TENM3: variants seen among roughly 807,000 people sequenced by gnomAD.
TENM3 encodes the protein teneurin transmembrane protein 3.
In TENM3, 63 loss-of-function variants were observed where a neutral mutation model predicts 255.1. The observed-to-expected ratio is 0.25, with a 90% CI of 0.20 to 0.30. The LOEUF is 0.30. Among genes scored for constraint, TENM3 ranks in the 10% least tolerant of loss-of-function variants. The pLI is 1.00. For missense variants in TENM3, 2,929 were observed against 3,461.1 expected (o/e 0.85, Z 3.86); for synonymous variants, 1,306 against 1,322.3 (o/e 0.99, Z 0.27).
chr4:182,700,946 G>A (rs1365663639), intron 12 of TENM3, among the ~76,000 whole-genome samples: 1 of 151,992 alleles, frequency 6.6e-6, no homozygotes. Context: ...CTTTAAGCAT[G>A]GGTGGGTAAG....
At chr4:182,605,417 C>T (rs1239754819) in intron 4 of TENM3, among the ~76,000 whole-genome samples, 1 of 129,228 alleles carries the variant, frequency 7.7e-6, no homozygotes, top group East Asian at 2.3e-4. Context: ...GGTTACTTAA[C>T]AAAAATTTCA....
chr4:182,011,988 T>C, the TENM3 span, among the ~76,000 whole-genome samples: 1 of 152,128 alleles, frequency 6.6e-6, no homozygotes, highest in Non-Finnish European at 1.5e-5. Flanking sequence ...GAGACCTAGA[T>C]AGAGAAGAAC....
chr4:181,606,898 G>T, the TENM3 span, among the ~76,000 whole-genome samples: 1 of 152,118 alleles, frequency 6.6e-6, no homozygotes, highest in South Asian at 2.1e-4. Context: ...GGCCATTTGC[G>T]GGAGCCATGG....
chr4:181,510,361 C>T, the TENM3 span, among the ~76,000 whole-genome samples: 2 of 151,578 alleles, frequency 1.3e-5, no homozygotes, highest in Non-Finnish European at 2.9e-5. Context: ...ATATAACAAA[C>T]AAACACAAAA....
At chr4:181,465,398 T>A in the TENM3 span, among the ~76,000 whole-genome samples, 1 of 152,198 alleles carries the variant, frequency 6.6e-6, no homozygotes, top group Non-Finnish European at 1.5e-5. Flanking sequence ...AACCAAACAT[T>A]TGATGCCTGG....
the TENM3 span, among the ~76,000 whole-genome samples, chr4:182,062,210 G>T: frequency 3.9e-5 from 6 of 152,144 alleles, no homozygotes. Context: ...GTGTACCCAA[G>T]AATATGTTTA....
the TENM3 span, among the ~76,000 whole-genome samples, chr4:182,093,220 G>T: frequency 6.6e-6 from 1 of 152,160 alleles, no homozygotes; most frequent in Admixed American, 6.5e-5. Context: ...TTAGAAAGGA[G>T]GATATTTGGG....
intron 3 of TENM3, among the ~76,000 whole-genome samples, chr4:182,588,263 C>T (rs1243391024): frequency 7.2e-5 from 11 of 152,080 alleles, no homozygotes; most frequent in Admixed American, 5.9e-4. Flanking sequence ...CCTGTGTCTC[C>T]TGTTTCCTTT....
At chr4:181,844,271 C>T in the TENM3 span, among the ~76,000 whole-genome samples, 2 of 152,248 alleles carry the variant, frequency 1.3e-5, no homozygotes, top group South Asian at 4.1e-4. Context: ...TGGGGGGACA[C>T]ATTCAAACCA....
chr4:182,696,924 C>T (rs1435825751), intron 12 of TENM3, among the ~76,000 whole-genome samples: 1 of 151,980 alleles, frequency 6.6e-6, no homozygotes, highest in Non-Finnish European at 1.5e-5. Flanking sequence ...CCCCTGGTTC[C>T]AGCTCTGTCA....
chr4:182,066,779 CAG>C, the TENM3 span, among the ~76,000 whole-genome samples: 1 of 151,850 alleles, frequency 6.6e-6, no homozygotes, highest in Non-Finnish European at 1.5e-5. Context: ...GGCGTGGTGG[CAG>C]GCGCCTGTAG....
chr4:182,536,523 T>C (rs1051433947), intron 3 of TENM3, among the ~76,000 whole-genome samples: 6 of 152,234 alleles, frequency 3.9e-5, no homozygotes, highest in Non-Finnish European at 5.9e-5. Context: ...GAGGATCACA[T>C]CCTGGCCGCC....
chr4:181,620,048 C>G, the TENM3 span, among the ~76,000 whole-genome samples: 1 of 152,060 alleles, frequency 6.6e-6, no homozygotes, highest in Non-Finnish European at 1.5e-5. Flanking sequence ...ATCACTCGAG[C>G]CCAGGAGTTT....
the TENM3 span, among the ~76,000 whole-genome samples, chr4:181,702,558 A>G: frequency 6.6e-6 from 1 of 152,196 alleles, no homozygotes; most frequent in Admixed American, 6.5e-5. Flanking sequence ...CTTTTTTGTA[A>G]AAAACAAATG....
the TENM3 span, among the ~76,000 whole-genome samples, chr4:181,494,348 A>C: frequency 6.6e-6 from 1 of 152,054 alleles, no homozygotes; most frequent in Non-Finnish European, 1.5e-5. Flanking sequence ...GCAATGGCGC[A>C]ATCTTAGCTC....
chr4:182,344,886 A>G (rs1179992440), intron 2 of TENM3, among the ~76,000 whole-genome samples: 1 of 152,212 alleles, frequency 6.6e-6, no homozygotes, highest in Non-Finnish European at 1.5e-5. Context: ...GACCTTGTTC[A>G]GATTTACTTT....
intron 1 of TENM3, among the ~76,000 whole-genome samples, chr4:182,277,841 T>C (rs1346598534): frequency 6.6e-6 from 1 of 152,158 alleles, no homozygotes; most frequent in Non-Finnish European, 1.5e-5. Flanking sequence ...CCTGAGGAAA[T>C]TTTTAGAAGA....
the TENM3 span, among the ~76,000 whole-genome samples, chr4:181,603,616 A>T: frequency 6.6e-6 from 1 of 152,214 alleles, no homozygotes; most frequent in Non-Finnish European, 1.5e-5. Flanking sequence ...GATATGAAAT[A>T]TAGAAATAAT....
intron 3 of TENM3, among the ~76,000 whole-genome samples, chr4:182,498,715 C>T (rs575953787): frequency 1.1e-4 from 17 of 152,164 alleles, no homozygotes; most frequent in Admixed American, 9.8e-4. Context: ...ATTAGCCGGG[C>T]GTGGTGGCGT....
Sources: gnomAD v4.1 joint callset for allele counts (sites outside exome capture counted in the v4.1 genomes callset) on GRCh38, gnomAD v4.1.1 for gene constraint, MANE v1.5 for transcripts, NCBI Gene and HGNC (gene_info 2026-07-23, HGNC 2026-07-21) for gene names.